Variants in TXNDC9 observed in about 807,000 individuals in gnomAD.
TXNDC9 encodes the protein thioredoxin domain containing 9.
In TXNDC9, 7 loss-of-function variants were observed where a neutral mutation model predicts 23.0. The ratio of observed to expected loss-of-function variants is 0.30; its 90% confidence interval spans 0.17 to 0.57. The LOEUF is 0.57. Among genes scored for constraint, TXNDC9 ranks in the 20% least tolerant of loss-of-function variants. The pLI is 0.90. For synonymous variants in TXNDC9, 72 were observed against 90.6 expected (o/e 0.79, Z 1.17); for missense variants, 198 against 252.6 (o/e 0.78, Z 1.47).
chr2:99,323,390 T>C (rs991979875), intron 3 of TXNDC9, among the ~76,000 whole-genome samples: 6 of 149,678 alleles, frequency 4.0e-5, no homozygotes, highest in Non-Finnish European at 1.5e-5. Flanking sequence ...CTGGGCAACA[T>C]AGTGAGACTC....
downstream of TXNDC9, among the ~76,000 whole-genome samples, chr2:99,318,587 C>T (rs182903977): frequency 4.6e-5 from 7 of 152,246 alleles, no homozygotes; most frequent in African/African-American, 7.2e-5. Flanking sequence ...TCACAGTCTA[C>T]AAGGGGGAAA....
At chr2:99,309,659 C>T in the TXNDC9 span, among the ~76,000 whole-genome samples, 5 of 152,076 alleles carry the variant, frequency 3.3e-5, no homozygotes, top group Non-Finnish European at 7.4e-5. Context: ...CATGGTTTAT[C>T]TTCATGGCCT....
chr2:99,327,792 T>G (rs1401669655), intron 2 of TXNDC9, 139 bp from the exon 3 acceptor site: 6 of 338,632 alleles, frequency 1.8e-5, no homozygotes, highest in Non-Finnish European at 2.6e-5. Flanking sequence ...TTTGTTTTTG[T>G]TTTTTTTTTT....
chr2:99,312,627 G>GA, the TXNDC9 span, among the ~76,000 whole-genome samples: 1 of 152,062 alleles, frequency 6.6e-6, no homozygotes, highest in South Asian at 2.1e-4. Context: ...AGGTAAATGG[G>GA]AAAAAAACAA....
chr2:99,333,732 G>A (rs577440040), intron 1 of TXNDC9, among the ~76,000 whole-genome samples: 3 of 152,088 alleles, frequency 2.0e-5, no homozygotes, highest in African/African-American at 7.2e-5. Context: ...TTTTTTCATG[G>A]CTGCTGCCCA....
Position 99,319,661 on chromosome 2 carries a change from T to C in TXNDC9, c.*21A>G. The C allele has an allele frequency of 6.6e-7, 1 of 1,516,516 alleles. No homozygotes were observed. Among genetic ancestry groups the C allele is most frequent in the Non-Finnish European group, 9.0e-7 (1 of 1,114,900 alleles). 93.9% of individuals were successfully genotyped at this position (1,516,516 alleles called of 1,614,324 possible). A position where few individuals can be genotyped will look rare whatever the true frequency, so the allele number is the denominator to read the frequency against. ...ATCTGAAGCAGAAAAAAAAAGACAA[T>C]TTACAAAGAATTATTGAGCTCTAAT... is the stretch of plus-strand genomic sequence containing the variant. On this transcript the variant is annotated 3_prime_UTR_variant, in exon 5 of 5. Coordinates refer to ENST00000264255, the MANE Select transcript of TXNDC9 (RefSeq NM_005783.4).
At chr2:99,331,289 T>C (rs530821303) in intron 2 of TXNDC9, among the ~76,000 whole-genome samples, 3 of 152,036 alleles carry the variant, frequency 2.0e-5, no homozygotes, top group South Asian at 2.1e-4. Flanking sequence ...AAGAAGCCAA[T>C]TGGGCCTGGT....
At chr2:99,324,865 C>A (rs575964065) in intron 3 of TXNDC9, among the ~76,000 whole-genome samples, 1 of 152,366 alleles carries the variant, frequency 6.6e-6, no homozygotes, top group African/African-American at 2.4e-5. Flanking sequence ...CCTGCCTCAG[C>A]CTCCTGCACA....
At chr2:99,314,383 A>G (rs1255652047), downstream of TXNDC9, among the ~76,000 whole-genome samples, 1 of 152,048 alleles carries the variant, frequency 6.6e-6, no homozygotes, top group Non-Finnish European at 1.5e-5. Flanking sequence ...TTAGGTGTAG[A>G]CTTTTTTTGT....
chr2:99,326,986 T>C (rs1488526704), intron 3 of TXNDC9, among the ~76,000 whole-genome samples: 1 of 152,252 alleles, frequency 6.6e-6, no homozygotes, highest in African/African-American at 2.4e-5. Context: ...AAGCCATTTA[T>C]ATGGGAATAT....
chr2:99,322,039 C>T lies in TXNDC9; in HGVS notation c.479G>A (p.Gly160Glu). 6.2e-7 allele frequency: 1 copy of T among 1,614,066 alleles called. No homozygotes were observed. The highest frequency in any genetic ancestry group is 8.5e-7 in the Non-Finnish European group (1 of 1,179,986). ...KDGKTQDYVV[G>E]FTDLGNTDDF... ...ATCTGTATTTCCTAGGTCAGTAAAC[C>T]CAACAACATAATCTTGTGTTTTCCC... Residue 160 changes from glycine (G) to glutamate (E), a missense_variant, in exon 4 of 5, where the codon GGG (glycine) becomes GAG (glutamate). Physicochemically the swap from Gly to Glu is moderately conservative, Grantham distance 98. Coordinates refer to ENST00000264255, the MANE Select transcript of TXNDC9 (RefSeq NM_005783.4).
At chr2:99,332,874 C>T in intron 2 of TXNDC9, 148 bp downstream of exon 2, 2 of 649,058 alleles carry the variant, frequency 3.1e-6, no homozygotes, top group African/African-American at 1.8e-5. Flanking sequence ...ATATTTTTTT[C>T]TGGGCAAATT....
At chr2:99,312,164 C>T in the TXNDC9 span, among the ~76,000 whole-genome samples, 1 of 152,134 alleles carries the variant, frequency 6.6e-6, no homozygotes, top group Non-Finnish European at 1.5e-5. Context: ...CCTTGGTTCC[C>T]TCTCACCTCT....
intron 3 of TXNDC9, among the ~76,000 whole-genome samples, chr2:99,324,409 C>T (rs1394045219): frequency 2.0e-5 from 3 of 152,062 alleles, no homozygotes; most frequent in African/African-American, 4.8e-5. Flanking sequence ...TCATATGTTA[C>T]TCATGTAGTT....
intron 2 of TXNDC9, among the ~76,000 whole-genome samples, chr2:99,332,137 A>G (rs2094227248): frequency 1.3e-5 from 2 of 152,208 alleles, no homozygotes; most frequent in African/African-American, 4.8e-5. Flanking sequence ...CAGTGGAAAA[A>G]ATGTTTTAAT....
chr2:99,308,696 TA>T, the TXNDC9 span, among the ~76,000 whole-genome samples: 930 of 152,236 alleles, frequency 6.1e-3, 8 homozygotes, highest in African/African-American at 0.02. Flanking sequence ...TTTAAAAATT[TA>T]AACATTTTTA....
rs1255725173 is a variant in TXNDC9, at chr2:99,336,317, T to C, written c.-111A>G. The C allele has an allele frequency of 4.1e-6, 4 of 985,298 alleles. No homozygotes were observed. Among genetic ancestry groups the C allele is most frequent in the South Asian group, 4.7e-5 (1 of 21,286 alleles). 61.0% of individuals were successfully genotyped at this position (985,298 alleles called of 1,614,324 possible). A position where few individuals can be genotyped will look rare whatever the true frequency, so the allele number is the denominator to read the frequency against. On this transcript the variant is annotated 5_prime_UTR_variant, in exon 1 of 5. Coordinates refer to ENST00000264255, the MANE Select transcript of TXNDC9 (RefSeq NM_005783.4). ...GTCCACTCCGGCTTTTGCCTTGCAG[T>C]AGCTGCCGGCGGCTGCAAACGGGCC...
chr2:99,320,162 C>T (rs931329107), intron 4 of TXNDC9, among the ~76,000 whole-genome samples: 1 of 152,100 alleles, frequency 6.6e-6, no homozygotes, highest in African/African-American at 2.4e-5. Flanking sequence ...CGTGTGCCAC[C>T]ATGCTCAGTT....
chr2:99,334,575 A>G (rs556383065), intron 1 of TXNDC9, among the ~76,000 whole-genome samples: 1 of 152,228 alleles, frequency 6.6e-6, no homozygotes, highest in Non-Finnish European at 1.5e-5. Flanking sequence ...CTGTAACATA[A>G]TGGCATTTGT....
Sources: allele counts gnomAD v4.1 joint callset (sites outside exome capture counted in the v4.1 genomes callset), GRCh38; gene constraint gnomAD v4.1.1; transcripts MANE v1.5; gene names NCBI Gene and HGNC (gene_info 2026-07-23, HGNC 2026-07-21).